PAX9: variants seen among roughly 807,000 people sequenced by gnomAD.
PAX9 encodes paired box protein Pax-9.
A neutral mutation model predicts 29.1 loss-of-function variants in PAX9; 6 were observed. The observed-to-expected ratio is 0.21, with a 90% CI of 0.11 to 0.41. The LOEUF is 0.41. Ranked by LOEUF, PAX9 falls within the 10% of genes least tolerant of loss-of-function variation. The probability of loss-of-function intolerance (pLI) is 1.00; values close to 1 mark genes in which losing one functional copy is unlikely to be tolerated. For synonymous variants in PAX9, 217 were observed against 211.7 expected (o/e 1.03, Z -0.22); for missense variants, 443 against 479.1 (o/e 0.92, Z 0.70).
At chr14:36,662,631 C>T (rs1594466515) in intron 1 of PAX9, 1 of 539,556 alleles carries the variant, frequency 1.9e-6, no homozygotes, top group East Asian at 3.1e-5. Flanking sequence ...GACTTTTGAA[C>T]GCTCGGAGAG....
chr14:36,667,799 G>A (rs1881562081), intron 3 of PAX9, among the ~76,000 whole-genome samples: 2 of 152,294 alleles, frequency 1.3e-5, no homozygotes, highest in South Asian at 2.1e-4. Context: ...TGTTTCTACT[G>A]TGAAGAATGT....
chr14:36,678,801 T>G lies in PAX9; in HGVS notation c.*2349T>G, dbSNP rs140900798. ...TAATATTAATGGTATTGAAGTTTCC[T>G]TTTCTCCCTCTAGGTCTTAACAGTG... On this transcript the variant is annotated 3_prime_UTR_variant, in exon 4 of 4. Transcript: ENST00000361487. 1.3e-4 allele frequency: 134 copies of G among 1,019,406 alleles called. 1 individual carries two copies. In the East Asian group the frequency reaches 7.6e-3, roughly 58 times the overall value. 63.1% of individuals were successfully genotyped at this position (1,019,406 alleles called of 1,614,324 possible).
At position 36,669,728 on chromosome 14, in the gene PAX9, T is replaced by A. The variant is rs567516065; in HGVS notation, c.771+3127T>A. Among the ~76,000 whole-genome samples the A allele has an allele frequency of 3.7e-4, 57 of 152,232 alleles. 2 individuals are homozygous for A. The South Asian group carries it at 0.012, about 31-fold the overall frequency. Reference sequence around the variant, plus strand: ...CCTAGTAATTAAAACTGTATGCACATTTCAGCTATGCATATACCTATCTTT... The same window carrying A: ...CCTAGTAATTAAAACTGTATGCACAATTCAGCTATGCATATACCTATCTTT... On this transcript the variant is annotated intron_variant, in intron 3 of 3. Transcript: ENST00000361487.
intron 2 of PAX9, among the ~76,000 whole-genome samples, chr14:36,663,833 C>T (rs1186655540): frequency 6.6e-6 from 1 of 152,228 alleles, no homozygotes; most frequent in Non-Finnish European, 1.5e-5. Flanking sequence ...AGCCTCAGCC[C>T]GGCTTGCTCA....
intron 3 of PAX9, among the ~76,000 whole-genome samples, chr14:36,668,086 A>C (rs938875088): frequency 2.0e-5 from 3 of 152,258 alleles, no homozygotes; most frequent in African/African-American, 7.2e-5. Context: ...CTGTGGTTCT[A>C]AGTGGCAGTT....
rs1049854540 is a variant in PAX9, at chr14:36,677,162, C to T, written c.*710C>T. On this transcript the variant is annotated 3_prime_UTR_variant, in exon 4 of 4. Transcript: ENST00000361487. Reference sequence around the variant, plus strand: ...TGTCTTCATTCCATAAGATATTCCCCTCCCCTCAGCCCCACCCCCTCTCTA... The same window carrying T: ...TGTCTTCATTCCATAAGATATTCCCTTCCCCTCAGCCCCACCCCCTCTCTA... 2.6e-5 allele frequency: 4 copies of T among 152,336 alleles called. No individual in the cohort carries two copies. Among genetic ancestry groups the T allele is most frequent in the African/African-American group, 9.7e-5 (4 of 41,400 alleles). The allele number at this position is 152,336 out of a possible 1,614,324, so 9.4% of individuals were successfully genotyped here. A position where few individuals can be genotyped will look rare whatever the true frequency, so the allele number is the denominator to read the frequency against.
In PAX9 at chr14:36,676,481, C is replaced by G. The variant is rs927470621; in HGVS notation, c.*29C>G. On this transcript the variant is annotated 3_prime_UTR_variant, in exon 4 of 4. Coordinates refer to ENST00000361487, the MANE Select transcript of PAX9 (RefSeq NM_001372076.1). Reference sequence around the variant, plus strand: ...GAAATTCCGTCTCCAGCAGCTTCACCCGGGTCTCCCTGTCTCAGCACCTCC... The same window carrying G: ...GAAATTCCGTCTCCAGCAGCTTCACGCGGGTCTCCCTGTCTCAGCACCTCC... The G allele has an allele frequency of 6.2e-7, 1 of 1,607,796 alleles. No individual in the cohort carries two copies. The highest frequency in any genetic ancestry group is 1.3e-5 in the African/African-American group (1 of 75,048).
At chr14:36,666,748 G>T in intron 3 of PAX9, 147 bp downstream of exon 3, 1 of 1,121,648 alleles carries the variant, frequency 8.9e-7, no homozygotes, top group South Asian at 1.4e-5. Flanking sequence ...ATCCTTCGTG[G>T]ACTGGGGCGA....
chr14:36,662,397 G>T (rs1267130745), intron 1 of PAX9, among the ~76,000 whole-genome samples: 3 of 152,106 alleles, frequency 2.0e-5, no homozygotes, highest in South Asian at 2.1e-4. Flanking sequence ...TCACACGCGC[G>T]CACACATGCA....
chr14:36,664,137 T>C (rs1347616873), intron 2 of PAX9, among the ~76,000 whole-genome samples: 1 of 152,246 alleles, frequency 6.6e-6, no homozygotes, highest in Non-Finnish European at 1.5e-5. Context: ...TTACTACTAG[T>C]AACTTGCATG....
chr14:36,664,568 G>GT (rs34440866), intron 2 of PAX9, among the ~76,000 whole-genome samples: 5,495 of 141,976 alleles, frequency 0.039, 239 homozygotes, highest in African/African-American at 0.1. Flanking sequence ...CTTTTACTGA[G>GT]TTTTTTTTTT....
rs1882036685 is a variant in PAX9, at chr14:36,678,776, T to TAATA, written c.*2325_*2328dup. 3 of 1,066,770 alleles carry TAATA rather than the reference T, an allele frequency of 2.8e-6. No individual in the cohort carries two copies. The South Asian group carries it at 1.3e-4, about 46-fold the overall frequency. The allele number at this position is 1,066,770 out of a possible 1,614,324, so 66.1% of individuals were successfully genotyped here. On this transcript the variant is annotated 3_prime_UTR_variant, in exon 4 of 4. Coordinates refer to ENST00000361487, the MANE Select transcript of PAX9 (RefSeq NM_001372076.1). ...TCTGGTTCTTGTATTTTAAAAAATCTAATATTAATGGTATTGAAGTTTCCT... is the reference window on the plus strand; with the variant it reads ...TCTGGTTCTTGTATTTTAAAAAATCTAATAAATATTAATGGTATTGAAGTTTCCT...
At chr14:36,666,198 G>C (rs1329583118) in intron 2 of PAX9, 1 of 516,792 alleles carries the variant, frequency 1.9e-6, no homozygotes, top group Non-Finnish European at 3.4e-6. Context: ...ATCAAAAACC[G>C]GTTGAAAAAG....
At chr14:36,658,371 CT>C (rs1164791359), upstream of PAX9, among the ~76,000 whole-genome samples, 2 of 133,728 alleles carry the variant, frequency 1.5e-5, no homozygotes, top group Admixed American at 7.2e-5. Flanking sequence ...CTGGGCCTCG[CT>C]TGGGGGGGGG....
intron 3 of PAX9, among the ~76,000 whole-genome samples, chr14:36,675,296 T>A (rs1458643695): frequency 6.6e-6 from 1 of 152,260 alleles, no homozygotes; most frequent in African/African-American, 2.4e-5. Flanking sequence ...GTGTTTTTAG[T>A]GTTGTTAATA....
At chr14:36,670,719 C>A (rs912941690) in intron 3 of PAX9, among the ~76,000 whole-genome samples, 37 of 152,082 alleles carry the variant, frequency 2.4e-4, no homozygotes, top group African/African-American at 8.7e-4. Flanking sequence ...AATTAATGAT[C>A]ATGTATCAGT....
Position 36,679,091 on chromosome 14 carries a change from C to G in PAX9, c.*2639C>G. 1 of 985,440 alleles carries G rather than the reference C, an allele frequency of 1.0e-6. No homozygotes were observed. The highest frequency in any genetic ancestry group is 4.7e-5 in the South Asian group (1 of 21,284). The allele number at this position is 985,440 out of a possible 1,614,324, so 61.0% of individuals were successfully genotyped here. A position where few individuals can be genotyped will look rare whatever the true frequency, so the allele number is the denominator to read the frequency against. ...AGAGGTTAAAGGTTCAATTTCATGA[C>G]CTCTATGCAGGCAGCGCTCTCATTG... On this transcript the variant is annotated 3_prime_UTR_variant, in exon 4 of 4. Coordinates refer to ENST00000361487, the MANE Select transcript of PAX9 (RefSeq NM_001372076.1).
rs80175046 is a variant in PAX9, at chr14:36,663,623, C to T, written c.631+100C>T. ...AGCCTCAGGGACACTGTCTTTCCCA[C>T]CACCTGAGGCTTTTTCCTTTGGAAA... On this transcript the variant is annotated intron_variant, in intron 2 of 3. Coordinates refer to ENST00000361487, the MANE Select transcript of PAX9 (RefSeq NM_001372076.1). 3.5e-4 allele frequency: 506 copies of T among 1,453,770 alleles called. 1 individual carries two copies. In the African/African-American group the frequency reaches 6.1e-3, roughly 18 times the overall value. 90.1% of individuals were successfully genotyped at this position (1,453,770 alleles called of 1,614,324 possible). A position where few individuals can be genotyped will look rare whatever the true frequency, so the allele number is the denominator to read the frequency against.
intron 1 of PAX9, chr14:36,662,530 G>T: frequency 2.4e-6 from 1 of 415,394 alleles, no homozygotes; most frequent in Non-Finnish European, 4.3e-6. Flanking sequence ...GGGATGGGTG[G>T]AGAGAGGGAG....
Sources: gnomAD v4.1 joint callset for allele counts (sites outside exome capture counted in the v4.1 genomes callset) on GRCh38, gnomAD v4.1.1 for gene constraint, MANE v1.5 for transcripts, NCBI Gene and HGNC (gene_info 2026-07-23, HGNC 2026-07-21) for gene names.